GAB2: variants seen among roughly 807,000 people sequenced by gnomAD.
GAB2 encodes GRB2 associated binding protein 2, also known as GRB2-associated-binding protein 2.
In GAB2, 26 loss-of-function variants were observed where a neutral mutation model predicts 65.5. The observed-to-expected ratio is 0.40, with a 90% CI of 0.29 to 0.55. GAB2 has a LOEUF of 0.55. Ranked by LOEUF, GAB2 falls within the 20% of genes least tolerant of loss-of-function variation. GAB2 has a pLI of 0.53. For missense variants in GAB2, 884 were observed against 875.8 expected, an observed-to-expected ratio of 1.01 and a Z score of -0.12; for synonymous variants, 321 against 329.6, an observed-to-expected ratio of 0.97 and a Z score of 0.28.
chr11:78,313,191 A>C (rs1245963935), intron 1 of GAB2, among the ~76,000 whole-genome samples: 7 of 152,024 alleles, frequency 4.6e-5, no homozygotes, highest in African/African-American at 1.7e-4. Flanking sequence ...ATCACTCTAA[A>C]GCTTTTTTTT....
rs2134463935 is a variant in GAB2 at position 78,225,098 on chromosome 11, C to T, written c.1302+10G>A. The T allele has an allele frequency of 1.9e-6, 3 of 1,592,576 alleles. No homozygotes were observed. Among genetic ancestry groups the T allele is most frequent in the Non-Finnish European group, 2.6e-6 (3 of 1,160,718 alleles). ...CCGGCCTGAGGACCCTTGGGTTAAC[C>T]CACACTCACCAGGAAAGAGCCAACT... is the stretch of plus-strand genomic sequence containing the variant. On this transcript the variant is annotated intron_variant, in intron 5 of 9. Transcript: ENST00000361507.
At chr11:78,220,145 G>A (rs1045244202) in intron 9 of GAB2, among the ~76,000 whole-genome samples, 174 bp downstream of exon 9, 1 of 151,882 alleles carries the variant, frequency 6.6e-6, no homozygotes, top group South Asian at 2.1e-4. Context: ...AGGAATAGGA[G>A]TCTTTAGACC....
At chr11:78,324,785 C>T (rs999072376) in intron 1 of GAB2, 1 of 152,132 alleles carries the variant, frequency 6.6e-6, no homozygotes, top group African/African-American at 2.4e-5. Flanking sequence ...TCCAAAAGAC[C>T]ATACAAGGTA....
intron 1 of GAB2, among the ~76,000 whole-genome samples, chr11:78,371,946 A>C (rs1591071259): frequency 6.6e-6 from 1 of 152,328 alleles, no homozygotes; most frequent in East Asian, 1.9e-4. Flanking sequence ...TCATTCCCAT[A>C]AACATAAAAT....
At position 78,296,189 on chromosome 11, in the gene GAB2, T is replaced by G. The variant is rs539280504; in HGVS notation, c.76-15288A>C. ...AATGCTCACTCACCAGCTGCTCACC[T>G]CCTGCTGTGAGGCCCAGTTCCTAAC... is the stretch of plus-strand genomic sequence containing the variant. On this transcript the variant is annotated intron_variant, in intron 1 of 9. Coordinates refer to ENST00000361507, the MANE Select transcript of GAB2 (RefSeq NM_080491.3). 1.1e-3 allele frequency among the ~76,000 whole-genome samples: 163 copies of G among 152,270 alleles called. 1 individual carries two copies. The South Asian group carries it at 0.011, about 10-fold the overall frequency.
At chr11:78,391,768 A>C (rs1856836774) in intron 1 of GAB2, among the ~76,000 whole-genome samples, 1 of 152,238 alleles carries the variant, frequency 6.6e-6, no homozygotes, top group Non-Finnish European at 1.5e-5. Flanking sequence ...GGGGAGCAGA[A>C]TCAAGTTCCT....
chr11:78,220,417 G>C lies in GAB2; in HGVS notation c.1789C>G (p.Pro597Ala), dbSNP rs1253801839. The change falls in exon 9 of 10, where the codon CCC (proline) becomes GCC (alanine). Residue 597 changes from proline to alanine, a missense_variant. Coordinates refer to ENST00000361507, the MANE Select transcript of GAB2 (RefSeq NM_080491.3). ...MQNPVSASPVPSGTNSPAPKK... is the reference protein window; with the variant it reads ...MQNPVSASPVASGTNSPAPKK... ...GGGGCAGGACTGTTCGTGCCACTGG[G>C]AACGGGAGATGCAGACACTGGGTTT... 1 of 1,590,008 alleles carries C rather than the reference G, an allele frequency of 6.3e-7. No individual in the cohort carries two copies. The highest frequency in any genetic ancestry group is 1.7e-5 in the Admixed American group (1 of 58,788).
At chr11:78,340,618 G>GA (rs35065436) in intron 1 of GAB2, among the ~76,000 whole-genome samples, 3,118 of 130,410 alleles carry the variant, frequency 0.024, 83 homozygotes, top group East Asian at 0.12. Context: ...ATGTGAAGAG[G>GA]AAAAAAAAAA....
chr11:78,318,558 G>C (rs1025256849), intron 1 of GAB2, among the ~76,000 whole-genome samples: 12 of 151,912 alleles, frequency 7.9e-5, no homozygotes, highest in African/African-American at 2.9e-4. Flanking sequence ...ATAAGGGCCT[G>C]AACAACGGCA....
chr11:78,236,162 G>C (rs1267537117), intron 3 of GAB2, among the ~76,000 whole-genome samples: 1 of 152,168 alleles, frequency 6.6e-6, no homozygotes, highest in African/African-American at 2.4e-5. Context: ...TTGCATGTTT[G>C]TTGTTAAATT....
At chr11:78,234,769 T>C (rs2373009) in intron 3 of GAB2, among the ~76,000 whole-genome samples, 1 of 151,764 alleles carries the variant, frequency 6.6e-6, no homozygotes, top group African/African-American at 2.4e-5. Flanking sequence ...AATCAAGTAA[T>C]ATAAATCCTG....
At chr11:78,374,305 CT>C (rs1856606930) in intron 1 of GAB2, among the ~76,000 whole-genome samples, 1 of 152,196 alleles carries the variant, frequency 6.6e-6, no homozygotes, top group Non-Finnish European at 1.5e-5. Context: ...AGACCAAGGT[CT>C]ACAATACAAA....
At chr11:78,363,407 A>G (rs1437716777) in intron 1 of GAB2, among the ~76,000 whole-genome samples, 2 of 152,102 alleles carry the variant, frequency 1.3e-5, no homozygotes, top group Non-Finnish European at 2.9e-5. Flanking sequence ...GTGCTCAATA[A>G]ATGTTTTATG....
intron 3 of GAB2, among the ~76,000 whole-genome samples, chr11:78,233,040 G>GTTTTT (rs372693456): frequency 7.6e-6 from 1 of 132,004 alleles, no homozygotes. Context: ...GCACTGTTAA[G>GTTTTT]TTTTTTTTTT....
intron 2 of GAB2, among the ~76,000 whole-genome samples, chr11:78,261,103 G>GAT (rs1026365195): frequency 4.6e-5 from 7 of 151,696 alleles, no homozygotes; most frequent in Admixed American, 2.0e-4. Flanking sequence ...GTATGTCTGA[G>GAT]ATATATATAT....
chr11:78,341,305 T>TA (rs1384473577), intron 1 of GAB2, among the ~76,000 whole-genome samples: 1 of 152,208 alleles, frequency 6.6e-6, no homozygotes, highest in Admixed American at 6.5e-5. Context: ...GGCATATTGG[T>TA]AATATTGGTA....
At chr11:78,260,660 C>A (rs1865704925) in intron 2 of GAB2, among the ~76,000 whole-genome samples, 1 of 152,046 alleles carries the variant, frequency 6.6e-6, no homozygotes, top group South Asian at 2.1e-4. Flanking sequence ...TTAGTAGTGT[C>A]AGGGTTTCAC....
chr11:78,269,526 T>C (rs906161592), intron 2 of GAB2, among the ~76,000 whole-genome samples: 2 of 152,094 alleles, frequency 1.3e-5, no homozygotes, highest in African/African-American at 4.8e-5. Flanking sequence ...GAATAAGAGG[T>C]CCTGACTTTT....
At chr11:78,233,412 A>G (rs1306048526) in intron 3 of GAB2, among the ~76,000 whole-genome samples, 1 of 152,142 alleles carries the variant, frequency 6.6e-6, no homozygotes, top group African/African-American at 2.4e-5. Flanking sequence ...CATTTCCCAG[A>G]TCACTGATCA....
Sources: allele counts gnomAD v4.1 joint callset (sites outside exome capture counted in the v4.1 genomes callset), GRCh38; gene constraint gnomAD v4.1.1; transcripts MANE v1.5; gene names NCBI Gene and HGNC (gene_info 2026-07-23, HGNC 2026-07-21).